PLA2G4A: variants seen among roughly 807,000 people sequenced by gnomAD.
PLA2G4A encodes the protein cytosolic phospholipase A2.
In PLA2G4A, 40 loss-of-function variants were observed where a neutral mutation model predicts 81.9. That is an observed-to-expected ratio of 0.49 (90% CI 0.38 to 0.64). PLA2G4A has a LOEUF of 0.64. Ranked by LOEUF, PLA2G4A falls within the 30% of genes least tolerant of loss-of-function variation. The probability of loss-of-function intolerance (pLI) is 0.00; values close to 1 mark genes in which losing one functional copy is unlikely to be tolerated. For missense variants in PLA2G4A, 715 were observed against 905.1 expected, an observed-to-expected ratio of 0.79 and a Z score of 2.69; for synonymous variants, 302 against 296.9, an observed-to-expected ratio of 1.02 and a Z score of -0.18.
intron 5 of PLA2G4A, among the ~76,000 whole-genome samples, chr1:186,903,113 A>C (rs1357957226): frequency 6.6e-6 from 1 of 152,148 alleles, no homozygotes; most frequent in Non-Finnish European, 1.5e-5. Flanking sequence ...CCCTTTAAAA[A>C]TGACTTTATT....
At chr1:186,881,456 T>C (rs1034570927) in intron 3 of PLA2G4A, among the ~76,000 whole-genome samples, 21 of 152,028 alleles carry the variant, frequency 1.4e-4, no homozygotes, top group African/African-American at 5.1e-4. Flanking sequence ...TTCACTAACT[T>C]TTCCAGCTTC....
At chr1:186,919,170 T>A (rs1655255791) in intron 7 of PLA2G4A, among the ~76,000 whole-genome samples, 1 of 152,186 alleles carries the variant, frequency 6.6e-6, no homozygotes, top group South Asian at 2.1e-4. Flanking sequence ...AGGCCCCCAT[T>A]CAAAAGGCTC....
chr1:186,891,362 G>A (rs980966115), intron 3 of PLA2G4A, among the ~76,000 whole-genome samples: 3 of 151,876 alleles, frequency 2.0e-5, no homozygotes, highest in Admixed American at 6.6e-5. Flanking sequence ...ATTGACTATC[G>A]TCACCCTGTT....
At chr1:186,845,722 G>T (rs564751797) in intron 1 of PLA2G4A, among the ~76,000 whole-genome samples, 27 of 152,152 alleles carry the variant, frequency 1.8e-4, no homozygotes, top group Admixed American at 1.5e-3. Flanking sequence ...CTCTAGTCTG[G>T]GTTTTTGTTT....
intron 14 of PLA2G4A, among the ~76,000 whole-genome samples, chr1:186,964,775 G>A (rs1262466208): frequency 6.6e-6 from 1 of 152,200 alleles, no homozygotes; most frequent in Non-Finnish European, 1.5e-5. Flanking sequence ...TCAGAGCAGA[G>A]CATGTATCTA....
intron 2 of PLA2G4A, among the ~76,000 whole-genome samples, chr1:186,859,921 A>G (rs952992720): frequency 6.6e-6 from 1 of 152,152 alleles, no homozygotes; most frequent in South Asian, 2.1e-4. Flanking sequence ...ATTCCTTTGA[A>G]ATAATGAAAT....
At chr1:186,837,755 A>AAAAAAAAAAG (rs1553267329) in intron 1 of PLA2G4A, among the ~76,000 whole-genome samples, 9 of 147,526 alleles carry the variant, frequency 6.1e-5, no homozygotes, top group African/African-American at 2.1e-4. Context: ...AAAAAAAAGA[A>AAAAAAAAAAG]AAAGAAAAGA....
intron 7 of PLA2G4A, among the ~76,000 whole-genome samples, chr1:186,919,153 G>A (rs1655255338): frequency 6.6e-6 from 1 of 152,220 alleles, no homozygotes; most frequent in African/African-American, 2.4e-5. Context: ...AAGGCTTGCT[G>A]TTGTAGAGGC....
chr1:186,903,470 G>C (rs1179970872), intron 5 of PLA2G4A, among the ~76,000 whole-genome samples: 1 of 152,132 alleles, frequency 6.6e-6, no homozygotes, highest in Non-Finnish European at 1.5e-5. Context: ...GGCAAGTTAG[G>C]ACCTAGGCTC....
chr1:186,879,107 G>A (rs948362857), intron 3 of PLA2G4A, among the ~76,000 whole-genome samples: 1 of 151,832 alleles, frequency 6.6e-6, no homozygotes, highest in Non-Finnish European at 1.5e-5. Context: ...TGTGGTCTGA[G>A]GGTCTCTGTA....
Position 186,867,473 on chromosome 1 carries a change from T to C in PLA2G4A, c.34-2962T>C, listed in dbSNP as rs756059392. Among the ~76,000 whole-genome samples, 14 of 147,982 alleles carry C rather than the reference T, an allele frequency of 9.5e-5. 1 individual carries two copies. The South Asian group carries it at 1.7e-3, about 18-fold the overall frequency. ...TGGGGAGTGCTAATATAAGTAGTAT[T>C]GTGTTTTTAATTTCAAAGTCTACGT... On this transcript the variant is annotated intron_variant, in intron 2 of 17. Coordinates refer to ENST00000367466, the MANE Select transcript of PLA2G4A (RefSeq NM_024420.3).
intron 7 of PLA2G4A, among the ~76,000 whole-genome samples, chr1:186,924,526 G>T (rs1655477183): frequency 6.6e-6 from 1 of 151,990 alleles, no homozygotes; most frequent in Admixed American, 6.6e-5. Flanking sequence ...CTTACATATA[G>T]TAATTCCTCA....
chr1:186,923,693 G>A (rs1273089205), intron 7 of PLA2G4A, among the ~76,000 whole-genome samples: 1 of 152,214 alleles, frequency 6.6e-6, no homozygotes, highest in Non-Finnish European at 1.5e-5. Flanking sequence ...GTTGAAGACT[G>A]TTGGCCATGC....
chr1:186,852,652 G>T (rs540228635), intron 1 of PLA2G4A, among the ~76,000 whole-genome samples: 1 of 152,016 alleles, frequency 6.6e-6, no homozygotes, highest in Admixed American at 6.6e-5. Context: ...CATTCCATGA[G>T]CCCCTTTAAA....
At chr1:186,920,212 A>C (rs1267875944) in intron 7 of PLA2G4A, among the ~76,000 whole-genome samples, 3 of 152,132 alleles carry the variant, frequency 2.0e-5, no homozygotes, top group Non-Finnish European at 4.4e-5. Flanking sequence ...TGGTAACTTT[A>C]GCTGTAAAGA....
At chr1:186,836,137 A>C (rs2101998390) in intron 1 of PLA2G4A, among the ~76,000 whole-genome samples, 1 of 151,974 alleles carries the variant, frequency 6.6e-6, no homozygotes, top group East Asian at 1.9e-4. Flanking sequence ...TTGGTTGATC[A>C]ATATATTATG....
At chr1:186,926,097 C>T (rs1419696664) in intron 7 of PLA2G4A, among the ~76,000 whole-genome samples, 1 of 152,138 alleles carries the variant, frequency 6.6e-6, no homozygotes, top group Non-Finnish European at 1.5e-5. Flanking sequence ...GGCTTAGACT[C>T]TTGAGTTAGA....
chr1:186,917,743 G>A (rs544215540), intron 7 of PLA2G4A, among the ~76,000 whole-genome samples: 6 of 152,302 alleles, frequency 3.9e-5, no homozygotes, highest in Admixed American at 2.6e-4. Flanking sequence ...GTAAGTACAC[G>A]TAAGAACCAG....
At chr1:186,876,997 C>A (rs1653525760) in intron 3 of PLA2G4A, among the ~76,000 whole-genome samples, 1 of 152,054 alleles carries the variant, frequency 6.6e-6, no homozygotes, top group Non-Finnish European at 1.5e-5. Context: ...GCTTAGAACT[C>A]AATCTTCCTA....
Sources: allele counts gnomAD v4.1 joint callset (sites outside exome capture counted in the v4.1 genomes callset), GRCh38; gene constraint gnomAD v4.1.1; transcripts MANE v1.5; gene names NCBI Gene and HGNC (gene_info 2026-07-23, HGNC 2026-07-21).